The following SNX16 variants were observed in gnomAD, a reference collection of about 807,000 sequenced individuals.
The protein encoded by SNX16 is sorting nexin-16.
A neutral mutation model predicts 36.7 loss-of-function variants in SNX16; 35 were observed. That is an observed-to-expected ratio of 0.95 (90% CI 0.73 to 1.27). The LOEUF (loss-of-function observed/expected upper bound fraction) is 1.27. Among genes scored for constraint, SNX16 ranks in the 50% most tolerant of loss-of-function variants. The pLI, the probability that SNX16 is intolerant of heterozygous loss-of-function variation, is 0.00. For synonymous variants in SNX16, 134 were observed against 132.0 expected (o/e 1.02, Z -0.10); for missense variants, 367 against 393.6 (o/e 0.93, Z 0.57).
intron 5 of SNX16, 132 bp downstream of exon 5, chr8:81,815,193 G>C (rs1810425548): frequency 3.4e-6 from 2 of 596,164 alleles, no homozygotes; most frequent in Non-Finnish European, 5.3e-6. Context: ...AAACATGAAA[G>C]CTTTCTGTGC....
At chr8:81,839,544 C>A in intron 2 of SNX16, 68 bp downstream of exon 2, 1 of 1,393,448 alleles carries the variant, frequency 7.2e-7, no homozygotes, top group Non-Finnish European at 9.7e-7. Context: ...TAATTTAACA[C>A]TGGTTTGAAC....
chr8:81,811,008 A>G (rs1308028767), intron 5 of SNX16, among the ~76,000 whole-genome samples: 1 of 152,148 alleles, frequency 6.6e-6, no homozygotes, highest in Non-Finnish European at 1.5e-5. Flanking sequence ...TTTTTTTGTA[A>G]AAGGGCTAAT....
intron 1 of SNX16, 86 bp from the exon 2 acceptor site, chr8:81,840,168 A>ACTATT: frequency 1.6e-6 from 1 of 641,504 alleles, no homozygotes; most frequent in Non-Finnish European, 2.5e-6. Context: ...ATTTTATGAC[A>ACTATT]CTATTATTTT....
At chr8:81,808,028 C>CAAAGAG (rs968639601) in intron 5 of SNX16, 2 of 879,158 alleles carry the variant, frequency 2.3e-6, no homozygotes, top group Non-Finnish European at 1.9e-6. Flanking sequence ...GTTGTGGAAC[C>CAAAGAG]AAAGAGAGCT....
chr8:81,817,073 A>G (rs1277042607), intron 4 of SNX16, among the ~76,000 whole-genome samples: 6 of 152,184 alleles, frequency 3.9e-5, no homozygotes, highest in African/African-American at 1.4e-4. Flanking sequence ...TAGGAAATCA[A>G]TTGATCTGGG....
chr8:81,802,979 T>C, intron 6 of SNX16, 113 bp downstream of exon 6: 1 of 1,002,306 alleles, frequency 1.0e-6, no homozygotes, highest in Non-Finnish European at 1.4e-6. Flanking sequence ...GCCAAAAGCC[T>C]ACAACTTTCA....
At chr8:81,817,365 C>G (rs1211822464) in intron 4 of SNX16, among the ~76,000 whole-genome samples, 1 of 152,070 alleles carries the variant, frequency 6.6e-6, no homozygotes, top group Non-Finnish European at 1.5e-5. Flanking sequence ...GAAATTTAGC[C>G]AAGATGGACA....
At chr8:81,841,655 C>G (rs925382274) in intron 1 of SNX16, 2 of 152,260 alleles carry the variant, frequency 1.3e-5, no homozygotes, top group Non-Finnish European at 2.9e-5. Context: ...AACAAACAAA[C>G]AAAAAAACGT....
chr8:81,827,088 C>G (rs1470195958), intron 3 of SNX16, among the ~76,000 whole-genome samples: 1 of 152,104 alleles, frequency 6.6e-6, no homozygotes, highest in Admixed American at 6.6e-5. Flanking sequence ...AGAGCTCTTT[C>G]TGGTACCTAT....
chr8:81,802,757 C>T (rs1455016615), intron 6 of SNX16, among the ~76,000 whole-genome samples: 3 of 151,534 alleles, frequency 2.0e-5, no homozygotes, highest in South Asian at 2.1e-4. Flanking sequence ...GGCATAAATG[C>T]CTAGAAACTA....
intron 4 of SNX16, among the ~76,000 whole-genome samples, chr8:81,816,924 C>T (rs1462408915): frequency 6.6e-6 from 1 of 152,182 alleles, no homozygotes; most frequent in African/African-American, 2.4e-5. Flanking sequence ...ATCTGCAACC[C>T]TCTCTAGTCA....
At chr8:81,831,493 G>C (rs1259471616) in intron 2 of SNX16, among the ~76,000 whole-genome samples, 1 of 151,960 alleles carries the variant, frequency 6.6e-6, no homozygotes, top group African/African-American at 2.4e-5. Context: ...AGGGGTTTGA[G>C]ACCAGCCTGG....
At chr8:81,840,631 C>T (rs185377503) in intron 1 of SNX16, among the ~76,000 whole-genome samples, 2 of 152,096 alleles carry the variant, frequency 1.3e-5, no homozygotes, top group Admixed American at 1.3e-4. Flanking sequence ...TTCTATAGAA[C>T]CCAGGATTAA....
At chr8:81,822,668 G>A (rs2635492) in intron 4 of SNX16, among the ~76,000 whole-genome samples, 37,668 of 151,738 alleles carry the variant, frequency 0.25, 5,217 homozygotes, top group East Asian at 0.37. Context: ...TGTTAAAGAT[G>A]ACTCACAGGT....
At chr8:81,827,067 A>G (rs1811050968) in intron 3 of SNX16, among the ~76,000 whole-genome samples, 1 of 152,198 alleles carries the variant, frequency 6.6e-6, no homozygotes, top group Non-Finnish European at 1.5e-5. Flanking sequence ...CAGTAAAAGC[A>G]ACTGATGGGT....
At chr8:81,808,989 G>GTT (rs569033941) in intron 5 of SNX16, among the ~76,000 whole-genome samples, 8 of 142,086 alleles carry the variant, frequency 5.6e-5, no homozygotes, top group African/African-American at 1.0e-4. Context: ...TTTTAATGTA[G>GTT]TTTTTTTTTT....
chr8:81,799,656 A>T lies in SNX16; in HGVS notation c.*1841T>A, dbSNP rs1207812604. On this transcript the variant is annotated 3_prime_UTR_variant, in exon 8 of 8. Transcript: ENST00000345957. ...ATGCATTATAAAAGTAAAAAAAAGTAAATTATAAATATAAATAATAGTGGT... is the reference window on the plus strand; with the variant it reads ...ATGCATTATAAAAGTAAAAAAAAGTTAATTATAAATATAAATAATAGTGGT... 1 of 151,952 alleles carries T rather than the reference A, an allele frequency of 6.6e-6. No homozygotes were observed. Among genetic ancestry groups the T allele is most frequent in the Non-Finnish European group, 1.5e-5 (1 of 67,870 alleles). The allele number at this position is 151,952 out of a possible 1,614,324, so 9.4% of individuals were successfully genotyped here. A position where few individuals can be genotyped will look rare whatever the true frequency, so the allele number is the denominator to read the frequency against.
intron 7 of SNX16, among the ~76,000 whole-genome samples, 171 bp from the exon 8 acceptor site, chr8:81,801,764 TTTAAG>T (rs1364161204): frequency 4.0e-5 from 6 of 151,722 alleles, no homozygotes; most frequent in Non-Finnish European, 7.4e-5. Flanking sequence ...ATTTGATATA[TTTAAG>T]TTGTCATTGC....
At chr8:81,818,148 A>AT (rs1256584952) in intron 4 of SNX16, among the ~76,000 whole-genome samples, 3 of 152,230 alleles carry the variant, frequency 2.0e-5, no homozygotes, top group African/African-American at 7.2e-5. Context: ...TGCAAATTTT[A>AT]TAACTATCTG....
Sources: allele counts gnomAD v4.1 joint callset (sites outside exome capture counted in the v4.1 genomes callset), GRCh38; gene constraint gnomAD v4.1.1; transcripts MANE v1.5; gene names NCBI Gene and HGNC (gene_info 2026-07-23, HGNC 2026-07-21).